The following GSE1 variants were observed in gnomAD, a reference collection of about 807,000 sequenced individuals.
GSE1 encodes the protein genetic suppressor element 1.
GSE1 carries 32 observed loss-of-function variants against 112.6 expected under a neutral mutation model. The observed-to-expected ratio is 0.28, with a 90% CI of 0.21 to 0.38. GSE1 has a LOEUF of 0.38. Among genes scored for constraint, GSE1 ranks in the 10% least tolerant of loss-of-function variants. The pLI, the probability that GSE1 is intolerant of heterozygous loss-of-function variation, is 1.00. For synonymous variants in GSE1, 1,115 were observed against 735.6 expected, an observed-to-expected ratio of 1.52 and a Z score of -8.35; for missense variants, 2,348 against 1,699.2, an observed-to-expected ratio of 1.38 and a Z score of -6.71.
chr16:85,456,641 G>GTGTGTGTGTGTGTGTGTGT (rs1567502079), intron 2 of GSE1, among the ~76,000 whole-genome samples: 1 of 94,038 alleles, frequency 1.1e-5, no homozygotes, highest in African/African-American at 4.2e-5. Context: ...TGTGTGTGTG[G>GTGTGTGTGTGTGTGTGTGT]TCTGCCATTT....
In GSE1 at chr16:85,184,200, C is replaced by T. The variant is rs375033111; in HGVS notation, c.2283+12393C>T. ...AGAGTCTTGGGAAGGGCTTCTGGAC[C>T]CCATTTGTGACTCAGGCCTGTCTTT... is the stretch of plus-strand genomic sequence containing the variant. On this transcript the variant is annotated intron_variant, in intron 1 of 2. Coordinates refer to the GSE1 transcript ENST00000637419. 7.9e-5 allele frequency among the ~76,000 whole-genome samples: 12 copies of T among 152,210 alleles called. No homozygotes were observed. The South Asian group carries it at 2.5e-3, about 32-fold the overall frequency.
chr16:85,496,694 G>T (rs1463284806), intron 2 of GSE1, among the ~76,000 whole-genome samples: 4 of 152,232 alleles, frequency 2.6e-5, no homozygotes, highest in African/African-American at 9.6e-5. Flanking sequence ...AACAGGATTC[G>T]AGGCCGGGTT....
intron 2 of GSE1, among the ~76,000 whole-genome samples, chr16:85,381,871 G>A (rs527951335): frequency 6.6e-6 from 1 of 152,244 alleles, no homozygotes; most frequent in Non-Finnish European, 1.5e-5. Context: ...GCCTCTCCCT[G>A]TCAGGGTCCC....
intron 1 of GSE1, among the ~76,000 whole-genome samples, chr16:85,579,759 C>T (rs1420585451): frequency 6.6e-6 from 1 of 152,168 alleles, no homozygotes. Flanking sequence ...GGAAGAGAGT[C>T]ATGGAACTAC....
At chr16:85,173,850 C>T (rs2074408255) in intron 1 of GSE1, among the ~76,000 whole-genome samples, 1 of 152,156 alleles carries the variant, frequency 6.6e-6, no homozygotes, top group Admixed American at 6.5e-5. Context: ...AAGGGGTCAG[C>T]ATGGGTTTGG....
chr16:85,615,660 G>C (rs2048327063), intron 1 of GSE1, among the ~76,000 whole-genome samples: 1 of 152,182 alleles, frequency 6.6e-6, no homozygotes, highest in South Asian at 2.1e-4. Flanking sequence ...CTCAAAACAA[G>C]GAAGGCAACA....
intron 1 of GSE1, among the ~76,000 whole-genome samples, chr16:85,349,884 G>T (rs2046819080): frequency 6.6e-6 from 1 of 152,212 alleles, no homozygotes; most frequent in Non-Finnish European, 1.5e-5. Flanking sequence ...TGCGGCCTGG[G>T]TTGCTGTACG....
intron 2 of GSE1, among the ~76,000 whole-genome samples, chr16:85,391,009 G>T (rs981093790): frequency 5.9e-5 from 9 of 152,048 alleles, no homozygotes; most frequent in African/African-American, 2.2e-4. Context: ...GCTGCGCCCT[G>T]GGAGTTGACA....
At chr16:85,516,048 G>A (rs1012053464) in intron 2 of GSE1, among the ~76,000 whole-genome samples, 1 of 152,198 alleles carries the variant, frequency 6.6e-6, no homozygotes, top group Non-Finnish European at 1.5e-5. Flanking sequence ...GCTGGGAAAG[G>A]AGGCCTGGGG....
intron 1 of GSE1, among the ~76,000 whole-genome samples, chr16:85,286,480 T>C (rs2045029332): frequency 6.6e-6 from 1 of 152,178 alleles, no homozygotes; most frequent in South Asian, 2.1e-4. Context: ...CAAAGGATGG[T>C]CTTCCAAATG....
chr16:85,455,937 C>T (rs1179373509), intron 2 of GSE1, among the ~76,000 whole-genome samples: 1 of 152,248 alleles, frequency 6.6e-6, no homozygotes, highest in Non-Finnish European at 1.5e-5. Context: ...GCTTTGTGTG[C>T]CTTACAAATG....
intron 1 of GSE1, among the ~76,000 whole-genome samples, chr16:85,586,690 C>G (rs529682657): frequency 2.6e-5 from 4 of 152,182 alleles, no homozygotes; most frequent in African/African-American, 9.7e-5. Flanking sequence ...AAGTATCACC[C>G]CTCCCACCTC....
intron 1 of GSE1, among the ~76,000 whole-genome samples, chr16:85,557,804 T>G (rs1374899833): frequency 6.6e-6 from 1 of 150,560 alleles, no homozygotes; most frequent in Non-Finnish European, 1.5e-5. Flanking sequence ...CAGGAGAGAC[T>G]CCTCCTGGAG....
intron 2 of GSE1, among the ~76,000 whole-genome samples, chr16:85,434,307 C>A (rs1160582881): frequency 1.4e-5 from 2 of 142,296 alleles, no homozygotes; most frequent in Non-Finnish European, 3.0e-5. Flanking sequence ...GGATGGTGGT[C>A]TAATAATAAT....
At chr16:85,430,141 A>G (rs2049085561) in intron 2 of GSE1, among the ~76,000 whole-genome samples, 2 of 152,176 alleles carry the variant, frequency 1.3e-5, no homozygotes, top group African/African-American at 4.8e-5. Flanking sequence ...AGCACTTACA[A>G]CATCCCAGGG....
intron 1 of GSE1, among the ~76,000 whole-genome samples, chr16:85,342,061 G>C (rs2046635329): frequency 6.6e-6 from 1 of 151,954 alleles, no homozygotes; most frequent in Admixed American, 6.6e-5. Flanking sequence ...GATTGTGTCT[G>C]CAGGGCCCGG....
At chr16:85,308,537 A>C (rs1324245887) in intron 1 of GSE1, among the ~76,000 whole-genome samples, 3 of 152,138 alleles carry the variant, frequency 2.0e-5, no homozygotes, top group Non-Finnish European at 4.4e-5. Context: ...CTTCGAAAGG[A>C]GCTCTCACCA....
chr16:85,608,980 G>A (rs1244434313), upstream of GSE1, among the ~76,000 whole-genome samples: 3 of 152,230 alleles, frequency 2.0e-5, no homozygotes, highest in Non-Finnish European at 4.4e-5. Flanking sequence ...CCTAGAAGAA[G>A]CAAGAACCAG....
intron 2 of GSE1, among the ~76,000 whole-genome samples, chr16:85,506,205 C>T (rs946943724): frequency 1.4e-4 from 21 of 152,178 alleles, no homozygotes; most frequent in Admixed American, 4.6e-4. Context: ...GTGTGTGGTG[C>T]GTCCCTGACG....
Sources: gnomAD v4.1 joint callset for allele counts (sites outside exome capture counted in the v4.1 genomes callset) on GRCh38, gnomAD v4.1.1 for gene constraint, MANE v1.5 for transcripts, NCBI Gene and HGNC (gene_info 2026-07-23, HGNC 2026-07-21) for gene names.